Variants in C2 observed in about 807,000 individuals in gnomAD.
C2 encodes the protein complement C2.
C2 carries 64 observed loss-of-function variants against 85.2 expected under a neutral mutation model. That is an observed-to-expected ratio of 0.75 (90% CI 0.61 to 0.92). The LOEUF is 0.92. C2 is among the 40% of genes least tolerant of loss of function. The probability of loss-of-function intolerance (pLI) is 0.00; values close to 1 mark genes in which losing one functional copy is unlikely to be tolerated. For missense variants in C2, 820 were observed against 971.6 expected, an observed-to-expected ratio of 0.84 and a Z score of 2.07; for synonymous variants, 311 against 370.8, an observed-to-expected ratio of 0.84 and a Z score of 1.85.
intron 1 of C2, among the ~76,000 whole-genome samples, chr6:31,911,320 C>T (rs998916341): frequency 8.1e-5 from 12 of 148,104 alleles, no homozygotes; most frequent in Non-Finnish European, 1.5e-4. Flanking sequence ...CAAATAAATA[C>T]ATAAAAAAAA....
Position 31,927,822 on chromosome 6 carries a change from G to A in C2, c.46+24G>A, listed in dbSNP as rs770639876. 12 of 1,611,284 alleles carry A rather than the reference G, an allele frequency of 7.4e-6. 1 individual carries two copies. Among genetic ancestry groups the A allele is most frequent in the South Asian group, 3.3e-5 (3 of 91,040 alleles). On this transcript the variant is annotated intron_variant, in intron 1 of 17. Transcript: ENST00000299367. This position sits in a 1 kb window ranked among gnomAD's most constrained non-coding sequence, Gnocchi z 4.7. The stretch of plus-strand genomic sequence containing the variant: ...AGGTAGGAGGCAGGGAAGGGGGAAC[G>A]TCAGGGTCCTGTGTGTGAGGTTGGT...
At chr6:31,938,713 G>A (rs1326664569) in intron 8 of C2, among the ~76,000 whole-genome samples, 1 of 151,926 alleles carries the variant, frequency 6.6e-6, no homozygotes, top group African/African-American at 2.4e-5. Context: ...AGGCTGGAGT[G>A]CAATGGCGCG....
upstream of C2, chr6:31,900,416 G>T: frequency 6.5e-7 from 1 of 1,549,318 alleles, no homozygotes; most frequent in Non-Finnish European, 8.7e-7. The surrounding 1 kb of genome is among the most constrained non-coding windows in gnomAD (Gnocchi z 9.7). Flanking sequence ...CACCGCTGCT[G>T]CTTCCACCAG....
chr6:31,923,736 G>T (rs1220040770), upstream of C2, among the ~76,000 whole-genome samples: 1 of 151,154 alleles, frequency 6.6e-6, no homozygotes, highest in South Asian at 2.1e-4. Flanking sequence ...TGATCCGCCC[G>T]CCTCGGCCTC....
chr6:31,932,418 A>C (rs41289095), intron 3 of C2: 21 of 292,234 alleles, frequency 7.2e-5, no homozygotes, highest in Non-Finnish European at 1.1e-4. Flanking sequence ...TGCCAGGCAG[A>C]GGGTCTCCTC....
At chr6:31,900,377 C>T (rs1398108524), upstream of C2, 5 of 1,543,540 alleles carry the variant, frequency 3.2e-6, no homozygotes, top group Non-Finnish European at 3.5e-6. The surrounding 1 kb of genome is among the most constrained non-coding windows in gnomAD (Gnocchi z 9.7). Context: ...CGCCCCCAGG[C>T]TGCCCCCCGC....
intron 1 of C2, among the ~76,000 whole-genome samples, chr6:31,908,651 CAAAA>C (rs769417085): frequency 9.4e-6 from 1 of 106,414 alleles, no homozygotes. Flanking sequence ...GACTTCATCT[CAAAA>C]AAAAAAAAAA....
chr6:31,945,094 G>A lies in C2; in HGVS notation c.2079+65G>A, dbSNP rs1214016348. Reference sequence around the variant, plus strand: ...ATCTCAGCCTTGTTGGGGGGATGAGGGAGGCCTTTGAGGGATCTAGGGAGG... The same window carrying A: ...ATCTCAGCCTTGTTGGGGGGATGAGAGAGGCCTTTGAGGGATCTAGGGAGG... On this transcript the variant is annotated intron_variant, in intron 17 of 17. Coordinates refer to ENST00000299367, the MANE Select transcript of C2 (RefSeq NM_000063.6). The surrounding 1 kb of genome is among the most constrained non-coding windows in gnomAD (Gnocchi z 5.3). 10 of 1,609,570 alleles carry A rather than the reference G, an allele frequency of 6.2e-6. No individual in the cohort carries two copies. In the South Asian group the frequency reaches 7.7e-5, roughly 12 times the overall value.
At chr6:31,927,584 A>G (rs1769351051), upstream of C2, 8 of 1,556,496 alleles carry the variant, frequency 5.1e-6, no homozygotes, top group African/African-American at 1.4e-5. This position sits in a 1 kb window ranked among gnomAD's most constrained non-coding sequence, Gnocchi z 4.7. Flanking sequence ...TCAGTCCCCA[A>G]TCCCTGCTTA....
rs1454414471 is a variant in C2, at chr6:31,935,980, A to G, written c.907A>G (p.Lys303Glu). The G allele has an allele frequency of 3.7e-6, 6 of 1,613,038 alleles. No individual in the cohort carries two copies. Among genetic ancestry groups the G allele is most frequent in the East Asian group, 4.5e-5 (2 of 44,888 alleles). ...CATTATCACCTTTGCCTCAGAGCCC[A>G]AAGTCCTCATGTCTGTCCTGAACGA... ...VAIITFASEP[K>E]VLMSVLNDNS... Residue 303 changes from lysine (K) to glutamate (E), a missense_variant, in exon 7 of 18, where the codon AAA becomes GAA. Transcript: ENST00000299367. The surrounding 1 kb of genome is among the most constrained non-coding windows in gnomAD (Gnocchi z 4.3).
In C2 at chr6:31,943,777, G is replaced by C; in HGVS notation, c.1701G>C (p.Leu567=). ...GTGATGACATAGCTCTGCTGAAGCT[G>C]GCCCAGAAAGTAAAGATGTCCACCC... ...FYGDDIALLK[L]AQKVKMSTHA... The change falls in exon 13 of 18, where the codon CTG becomes CTC. Residue 567 remains leucine (L), a synonymous_variant. Coordinates refer to ENST00000299367, the MANE Select transcript of C2 (RefSeq NM_000063.6). The surrounding 1 kb of genome is among the most constrained non-coding windows in gnomAD (Gnocchi z 6.4). 6.2e-7 allele frequency: 1 copy of C among 1,613,088 alleles called. No homozygotes were observed. Among genetic ancestry groups the C allele is most frequent in the Non-Finnish European group, 8.5e-7 (1 of 1,180,040 alleles).
At chr6:31,927,136 G>A (rs977105612), upstream of C2, among the ~76,000 whole-genome samples, 1 of 152,156 alleles carries the variant, frequency 6.6e-6, no homozygotes, top group Non-Finnish European at 1.5e-5. This position sits in a 1 kb window ranked among gnomAD's most constrained non-coding sequence, Gnocchi z 4.7. Context: ...CTCTAGGGAA[G>A]GATTGTAGGG....
rs186915444 is a variant in C2, at chr6:31,909,795, A to G, written c.73+8656A>G. Among the ~76,000 whole-genome samples, 265 of 151,978 alleles carry G rather than the reference A, an allele frequency of 1.7e-3. 1 individual carries two copies. The highest frequency in any genetic ancestry group is 3.4e-3 in the Middle Eastern group (1 of 292). ...CCAAACTGTTTTCCACAGCAGCTGC[A>G]CCATTTTATGTTCCCACCAGGAGAT... On this transcript the variant is annotated intron_variant, in intron 1 of 3. Coordinates refer to the C2 transcript ENST00000452202.
chr6:31,939,128 A>G, intron 8 of C2, 103 bp from the exon 9 acceptor site: 1 of 821,930 alleles, frequency 1.2e-6, no homozygotes. Context: ...TCTCACAGGC[A>G]ATGTAAATGT....
chr6:31,927,418 T>G, upstream of C2: 1 of 1,174,832 alleles, frequency 8.5e-7, no homozygotes, highest in Admixed American at 3.5e-5. The surrounding 1 kb of genome is among the most constrained non-coding windows in gnomAD (Gnocchi z 4.7). Flanking sequence ...CAAATATGTG[T>G]TTGCCTGCGT....
chr6:31,934,288 A>ATC lies in C2; in HGVS notation c.839_840insCT (p.Met280IlefsTer13). On this transcript the variant is annotated frameshift_variant, in exon 6 of 18. Transcript: ENST00000299367. LOFTEE classifies it high-confidence loss of function. ...CATCTTCAAGGAGAGCGCCTCCCTCATGGTGGACAGGGTCAGGAATCAGGA... is the reference window on the plus strand; with the variant it reads ...CATCTTCAAGGAGAGCGCCTCCCTCATCTGGTGGACAGGGTCAGGAATCAGGA... 6.2e-7 allele frequency: 1 copy of ATC among 1,614,118 alleles called. No individual in the cohort carries two copies. The highest frequency in any genetic ancestry group is 1.1e-5 in the South Asian group (1 of 91,082).
rs1424819827 is a variant in C2, at chr6:31,937,383, C to T, written c.1053C>T (p.Asn351=). Residue 351 remains asparagine (N), a synonymous_variant, in exon 8 of 18, where the codon AAC becomes AAT. Transcript: ENST00000299367. ...AALNSVYLMM[N]NQMRLLGMET... ...TAAACAGTGTCTATCTCATGATGAA[C>T]AACCAAATGCGACTCCTCGGCATGG... is the stretch of plus-strand genomic sequence containing the variant. 1 of 1,612,686 alleles carries T rather than the reference C, an allele frequency of 6.2e-7. No individual in the cohort carries two copies. Among genetic ancestry groups the T allele is most frequent in the Non-Finnish European group, 8.5e-7 (1 of 1,179,940 alleles).
At chr6:31,930,336 C>T (rs1357645530) in intron 3 of C2, among the ~76,000 whole-genome samples, 1 of 152,172 alleles carries the variant, frequency 6.6e-6, no homozygotes, top group Non-Finnish European at 1.5e-5. Flanking sequence ...CCCACCTTGG[C>T]CTCCCAAAGT....
At position 31,935,189 on chromosome 6, in the gene C2, C is replaced by A; in HGVS notation, c.850-734C>A. ...TTTTAAAGAGGGCAGTTTCTGTGCTCTCTTGGGACTCAAAATTAAGTAACT... is the reference window on the plus strand; with the variant it reads ...TTTTAAAGAGGGCAGTTTCTGTGCTATCTTGGGACTCAAAATTAAGTAACT... On this transcript the variant is annotated intron_variant, in intron 6 of 17. Coordinates refer to ENST00000299367, the MANE Select transcript of C2 (RefSeq NM_000063.6). This position sits in a 1 kb window ranked among gnomAD's most constrained non-coding sequence, Gnocchi z 4.3. 1 of 415,222 alleles carries A rather than the reference C, an allele frequency of 2.4e-6. No homozygotes were observed. Among genetic ancestry groups the A allele is most frequent in the Non-Finnish European group, 3.2e-6 (1 of 308,522 alleles). The allele number at this position is 415,222 out of a possible 1,614,324, so 25.7% of individuals were successfully genotyped here.
Sources: allele counts gnomAD v4.1 joint callset (sites outside exome capture counted in the v4.1 genomes callset), GRCh38; gene constraint gnomAD v4.1.1; non-coding constraint Gnocchi (gnomAD v3.1); transcripts MANE v1.5; gene names NCBI Gene and HGNC (gene_info 2026-07-23, HGNC 2026-07-21).